The following JMJD1C variants were observed in gnomAD, a reference collection of about 807,000 sequenced individuals.
The protein encoded by JMJD1C is jumonji domain-containing protein 1C.
Under a neutral mutation model 245.3 loss-of-function variants are expected in JMJD1C, and 31 were observed. The observed-to-expected ratio is 0.13, with a 90% CI of 0.09 to 0.17. The LOEUF is 0.17. Among genes scored for constraint, JMJD1C ranks in the 10% least tolerant of loss-of-function variants. The pLI, the probability that JMJD1C is intolerant of heterozygous loss-of-function variation, is 1.00. For synonymous variants in JMJD1C, 1,057 were observed against 1,017.4 expected, an observed-to-expected ratio of 1.04 and a Z score of -0.74; for missense variants, 2,691 against 3,000.2, an observed-to-expected ratio of 0.90 and a Z score of 2.41.
chr10:63,246,875 ATTT>A (rs1364697526), intron 3 of JMJD1C, among the ~76,000 whole-genome samples: 5 of 151,898 alleles, frequency 3.3e-5, no homozygotes, highest in African/African-American at 1.2e-4. Flanking sequence ...ACTTAATTAA[ATTT>A]TTTTTAATTT....
In JMJD1C at chr10:63,279,164, C is replaced by T. The variant is rs150595600; in HGVS notation, c.334-14400G>A. 3.7e-4 allele frequency among the ~76,000 whole-genome samples: 57 copies of T among 152,130 alleles called. 2 individuals are homozygous for T. The highest frequency in any genetic ancestry group is 1.2e-3 in the African/African-American group (48 of 41,518). ...ACTCAGGAGGCTGAGGCAGGAGAAT[C>T]GCTTGAACCCACGAGGCAGAGGTTG... On this transcript the variant is annotated intron_variant, in intron 2 of 25. Coordinates refer to ENST00000399262, the MANE Select transcript of JMJD1C (RefSeq NM_032776.3).
chr10:63,511,662 T>C, intron 1 of JMJD1C, among the ~76,000 whole-genome samples: 1 of 151,640 alleles, frequency 6.6e-6, no homozygotes, highest in East Asian at 1.9e-4. Context: ...ATGCAGTGAG[T>C]GCTGAGATCG....
chr10:63,352,065 G>T (rs1397370562), intron 2 of JMJD1C, among the ~76,000 whole-genome samples: 1 of 151,914 alleles, frequency 6.6e-6, no homozygotes, highest in East Asian at 1.9e-4. Context: ...ATATACACAA[G>T]GAAACAAGGT....
chr10:63,228,053 T>G (rs771609897), intron 3 of JMJD1C, among the ~76,000 whole-genome samples: 4 of 152,182 alleles, frequency 2.6e-5, no homozygotes, highest in Admixed American at 1.3e-4. Flanking sequence ...GTTAACTAAA[T>G]GAAGGTACCG....
intron 1 of JMJD1C, among the ~76,000 whole-genome samples, chr10:63,409,418 C>T (rs866607593): frequency 1.3e-5 from 2 of 152,156 alleles, no homozygotes; most frequent in Middle Eastern, 3.4e-3. Context: ...TTATGTGTTT[C>T]CTTAAAGCGG....
chr10:63,357,190 C>T (rs1440674104), intron 2 of JMJD1C, among the ~76,000 whole-genome samples: 4 of 152,098 alleles, frequency 2.6e-5, no homozygotes, highest in Admixed American at 2.0e-4. Context: ...CGTGCCACCA[C>T]GCCCATCTAT....
intron 1 of JMJD1C, among the ~76,000 whole-genome samples, chr10:63,486,056 T>C (rs1953982233): frequency 7.2e-6 from 1 of 138,564 alleles, no homozygotes; most frequent in African/African-American, 2.8e-5. Context: ...AAATAAGTGA[T>C]AGACGTGACA....
At chr10:63,189,467 CA>C (rs762867188) in intron 17 of JMJD1C, 21 bp from the exon 18 acceptor site, 17 of 1,564,784 alleles carry the variant, frequency 1.1e-5, no homozygotes, top group African/African-American at 2.8e-5. Flanking sequence ...AAAAACAAAA[CA>C]AAAAAAACCT....
intron 3 of JMJD1C, among the ~76,000 whole-genome samples, chr10:63,239,560 TCAGCCTCCTGA>T (rs746773050): frequency 1.3e-5 from 2 of 152,194 alleles, no homozygotes; most frequent in Non-Finnish European, 2.9e-5. Context: ...TTCTCCTGCC[TCAGCCTCCTGA>T]GTAGCTGGGA....
chr10:63,309,537 A>G (rs1938842780), intron 2 of JMJD1C, among the ~76,000 whole-genome samples: 1 of 151,604 alleles, frequency 6.6e-6, no homozygotes, highest in South Asian at 2.1e-4. Context: ...GCAACCTCTA[A>G]GATGATAATA....
At chr10:63,424,791 G>A (rs529575207) in intron 1 of JMJD1C, among the ~76,000 whole-genome samples, 8 of 152,100 alleles carry the variant, frequency 5.3e-5, no homozygotes, top group African/African-American at 1.9e-4. Flanking sequence ...GCAAACTCTC[G>A]ACACCAGATT....
At chr10:63,487,941 G>C (rs992391848) in intron 1 of JMJD1C, among the ~76,000 whole-genome samples, 5 of 152,234 alleles carry the variant, frequency 3.3e-5, no homozygotes, top group African/African-American at 1.2e-4. Flanking sequence ...TCTAAGAAAG[G>C]TATATTATTC....
intron 20 of JMJD1C, among the ~76,000 whole-genome samples, chr10:63,184,959 C>A (rs1400967527): frequency 1.3e-5 from 2 of 152,132 alleles, no homozygotes; most frequent in Non-Finnish European, 2.9e-5. Context: ...AAACAGGGTC[C>A]TGTGTTCTCT....
At chr10:63,503,278 G>A (rs1457953696) in intron 1 of JMJD1C, among the ~76,000 whole-genome samples, 1 of 151,962 alleles carries the variant, frequency 6.6e-6, no homozygotes. Flanking sequence ...TTTTTGGGGG[G>A]GCTTTTAGTT....
intron 1 of JMJD1C, among the ~76,000 whole-genome samples, chr10:63,517,986 T>G (rs1955075673): frequency 6.6e-6 from 1 of 152,150 alleles, no homozygotes; most frequent in Non-Finnish European, 1.5e-5. Context: ...AGAGATGAGG[T>G]CTTGCCACAT....
At chr10:63,507,681 T>C (rs1315150658) in intron 1 of JMJD1C, among the ~76,000 whole-genome samples, 1 of 138,982 alleles carries the variant, frequency 7.2e-6, no homozygotes, top group Non-Finnish European at 1.5e-5. Flanking sequence ...TGTGCCACTT[T>C]GCATTCCCAC....
chr10:63,200,776 G>A (rs10465990), intron 10 of JMJD1C, 99 bp from the exon 11 acceptor site: 712,309 of 986,444 alleles, frequency 0.72, 266,697 homozygotes, highest in Non-Finnish European at 0.78. Context: ...GTGATGATAC[G>A]GTAAGACTTT....
Position 63,380,444 on chromosome 10 carries a change from T to C in JMJD1C, c.207A>G (p.Arg69=). 1 of 1,613,714 alleles carries C rather than the reference T, an allele frequency of 6.2e-7. No homozygotes were observed. The highest frequency in any genetic ancestry group is 8.5e-7 in the Non-Finnish European group (1 of 1,179,852). ...AATCTTCATAAACTTTAACCCACTCTCGTTTATCCCATTCAAGATCATCAA... is the reference window on the plus strand; with the variant it reads ...AATCTTCATAAACTTTAACCCACTCCCGTTTATCCCATTCAAGATCATCAA... ...VEFDDLEWDK[R]EWVKVYEDFS... is the part of the protein sequence containing the mutation. The change falls in exon 2 of 26, where the codon CGA becomes CGG. Residue 69 remains arginine, a synonymous_variant. Coordinates refer to ENST00000399262, the MANE Select transcript of JMJD1C (RefSeq NM_032776.3).
At chr10:63,272,479 G>A (rs1856422956) in intron 2 of JMJD1C, among the ~76,000 whole-genome samples, 1 of 152,130 alleles carries the variant, frequency 6.6e-6, no homozygotes, top group African/African-American at 2.4e-5. Flanking sequence ...TCAAACTCCT[G>A]ACCTCAGGTG....
Sources: gnomAD v4.1 joint callset for allele counts (sites outside exome capture counted in the v4.1 genomes callset) on GRCh38, gnomAD v4.1.1 for gene constraint, MANE v1.5 for transcripts, NCBI Gene and HGNC (gene_info 2026-07-23, HGNC 2026-07-21) for gene names.